PTPRK: variants seen among roughly 807,000 people sequenced by gnomAD.
The protein encoded by PTPRK is protein tyrosine phosphatase receptor type K.
In PTPRK, 75 loss-of-function variants were observed where a neutral mutation model predicts 178.0. The observed-to-expected ratio is 0.42, with a 90% CI of 0.35 to 0.51. PTPRK has a LOEUF of 0.51. Ranked by LOEUF, PTPRK falls within the 20% of genes least tolerant of loss-of-function variation. PTPRK has a pLI of 0.02. For synonymous variants in PTPRK, 637 were observed against 620.6 expected (o/e 1.03, Z -0.39); for missense variants, 1,441 against 1,797.8 (o/e 0.80, Z 3.59).
chr6:128,492,639 T>C (rs936534213), intron 1 of PTPRK, among the ~76,000 whole-genome samples: 2 of 152,210 alleles, frequency 1.3e-5, no homozygotes, highest in Non-Finnish European at 2.9e-5. Context: ...CCGCAGCACC[T>C]GGCATGAGGA....
At chr6:127,983,103 C>T in intron 23 of PTPRK, 123 bp from the exon 24 acceptor site, 1 of 1,291,582 alleles carries the variant, frequency 7.7e-7, no homozygotes. Flanking sequence ...CAATATTTTT[C>T]TATATGACTC....
chr6:128,415,614 C>T (rs756311129), intron 1 of PTPRK, among the ~76,000 whole-genome samples: 14 of 152,066 alleles, frequency 9.2e-5, no homozygotes, highest in Non-Finnish European at 1.9e-4. Context: ...TCAGAGAGAA[C>T]AGGCTGGAGC....
chr6:128,382,300 A>T (rs544992872), intron 2 of PTPRK, among the ~76,000 whole-genome samples: 1 of 152,080 alleles, frequency 6.6e-6, no homozygotes, highest in South Asian at 2.1e-4. Flanking sequence ...ACAAAGAACT[A>T]TGACTTCTAT....
At chr6:127,994,342 A>T (rs1323130002) in intron 18 of PTPRK, among the ~76,000 whole-genome samples, 2 of 151,784 alleles carry the variant, frequency 1.3e-5, no homozygotes, top group African/African-American at 4.8e-5. Context: ...ATAATTATAC[A>T]TATTGTGAAT....
At chr6:128,064,634 C>A (rs558911207) in intron 13 of PTPRK, 124 bp downstream of exon 13, 314 of 1,250,118 alleles carry the variant, frequency 2.5e-4, no homozygotes, top group Non-Finnish European at 3.2e-4. Context: ...AAGACACCCA[C>A]ATGAGTCACA....
intron 13 of PTPRK, among the ~76,000 whole-genome samples, chr6:128,042,813 A>T (rs1340968684): frequency 6.6e-6 from 1 of 152,062 alleles, no homozygotes; most frequent in African/African-American, 2.4e-5. Context: ...ATTTGATAAA[A>T]TATTATTCTC....
At chr6:128,333,683 A>G (rs184211453) in intron 2 of PTPRK, among the ~76,000 whole-genome samples, 14 of 152,236 alleles carry the variant, frequency 9.2e-5, no homozygotes, top group Admixed American at 2.6e-4. Context: ...TTAATCTCCT[A>G]TCCAGACTAC....
At chr6:128,127,448 TTG>T (rs1478659853) in intron 7 of PTPRK, among the ~76,000 whole-genome samples, 2 of 152,220 alleles carry the variant, frequency 1.3e-5, no homozygotes, top group African/African-American at 2.4e-5. Flanking sequence ...TCTTCATTTA[TTG>T]TGTTTTTATT....
chr6:127,987,264 C>A (rs1282827195), intron 21 of PTPRK, among the ~76,000 whole-genome samples: 1 of 135,960 alleles, frequency 7.4e-6, no homozygotes, highest in Non-Finnish European at 1.7e-5. Context: ...TTTTCTTGTT[C>A]TAAATAACAA....
intron 2 of PTPRK, among the ~76,000 whole-genome samples, chr6:128,343,411 A>T (rs976807052): frequency 6.6e-6 from 1 of 151,680 alleles, no homozygotes; most frequent in African/African-American, 2.4e-5. Context: ...GAGGCAGGAG[A>T]ATCGCTTGAA....
rs760069280 is a variant in PTPRK, at chr6:127,973,634, A to G, written c.4133+30T>C. The G allele has an allele frequency of 1.9e-6, 3 of 1,609,284 alleles. No homozygotes were observed. The South Asian group carries it at 3.3e-5, about 18-fold the overall frequency. On this transcript the variant is annotated intron_variant, in intron 28 of 29. Transcript: ENST00000368226. ...ATGAGAAAATAAGCACCAAGGCCCC[A>G]TGAATGACAGGCTGAGCTGCCCTAC...
chr6:128,390,447 G>A (rs907099235), intron 2 of PTPRK, among the ~76,000 whole-genome samples: 3 of 152,074 alleles, frequency 2.0e-5, no homozygotes, highest in Admixed American at 6.6e-5. Flanking sequence ...CCCACAAAGG[G>A]TAAGAAACAG....
chr6:128,210,481 C>A (rs1162951442), intron 6 of PTPRK, among the ~76,000 whole-genome samples: 1 of 151,274 alleles, frequency 6.6e-6, no homozygotes, highest in Non-Finnish European at 1.5e-5. Context: ...AAGAAGAAAG[C>A]TGAAAGGAAT....
At chr6:128,410,652 A>G (rs1281947226) in intron 1 of PTPRK, among the ~76,000 whole-genome samples, 3 of 152,234 alleles carry the variant, frequency 2.0e-5, no homozygotes, top group African/African-American at 7.2e-5. Context: ...AGACCCTAAC[A>G]GCATAATGAG....
intron 2 of PTPRK, among the ~76,000 whole-genome samples, chr6:128,332,385 T>A (rs1307019416): frequency 6.6e-6 from 1 of 152,218 alleles, no homozygotes; most frequent in Admixed American, 6.5e-5. Context: ...TACTTGTTTA[T>A]CCTGGGCAAA....
intron 2 of PTPRK, among the ~76,000 whole-genome samples, chr6:128,360,942 T>C (rs974088859): frequency 2.0e-5 from 3 of 152,146 alleles, no homozygotes; most frequent in African/African-American, 7.2e-5. Flanking sequence ...ACTGAATTTT[T>C]TGAAATACTG....
intron 19 of PTPRK, 35 bp downstream of exon 19, chr6:127,992,638 T>C (rs775977701): frequency 3.9e-6 from 6 of 1,558,382 alleles, no homozygotes; most frequent in Non-Finnish European, 5.2e-6. Context: ...AGCAAGTTTG[T>C]TTTTTCTATA....
At chr6:128,348,458 A>G (rs1308932919) in intron 2 of PTPRK, among the ~76,000 whole-genome samples, 2 of 151,922 alleles carry the variant, frequency 1.3e-5, no homozygotes, top group South Asian at 2.1e-4. Flanking sequence ...CATAACAAAA[A>G]CCCTTCCCCA....
intron 10 of PTPRK, 126 bp from the exon 11 acceptor site, chr6:128,079,044 T>C: frequency 1.9e-6 from 1 of 523,132 alleles, no homozygotes; most frequent in Non-Finnish European, 3.4e-6. Flanking sequence ...ACGTATTTTG[T>C]TTTATAGCAT....
Sources: gnomAD v4.1 joint callset for allele counts (sites outside exome capture counted in the v4.1 genomes callset) on GRCh38, gnomAD v4.1.1 for gene constraint, MANE v1.5 for transcripts, NCBI Gene and HGNC (gene_info 2026-07-23, HGNC 2026-07-21) for gene names.